The following AGR3 variants were observed in gnomAD, a reference collection of about 807,000 sequenced individuals.
AGR3 encodes anterior gradient protein 3.
A neutral mutation model predicts 24.5 loss-of-function variants in AGR3; 37 were observed. The ratio of observed to expected loss-of-function variants is 1.51; its 90% CI spans 1.16 to 1.99. AGR3 has a LOEUF of 1.99. AGR3 is among the 30% of genes most tolerant of loss of function. The pLI is 0.00. For synonymous variants in AGR3, 75 were observed against 61.6 expected (o/e 1.22, Z -1.02); for missense variants, 228 against 191.1 (o/e 1.19, Z -1.14).
chr7:16,880,529 C>CCTCTA (rs199999903), intron 1 of AGR3, among the ~76,000 whole-genome samples: 19 of 77,214 alleles, frequency 2.5e-4, no homozygotes, highest in African/African-American at 7.2e-4. Context: ...CCTCTCCCCT[C>CCTCTA]CCCTCCCCTC....
intron 3 of AGR3, chr7:16,865,175 A>G: frequency 1.3e-6 from 1 of 746,666 alleles, no homozygotes; most frequent in Non-Finnish European, 2.4e-6. Flanking sequence ...GACTTTCAAA[A>G]ACCCTATCAG....
intron 3 of AGR3, among the ~76,000 whole-genome samples, chr7:16,870,872 A>G (rs1484871808): frequency 1.3e-5 from 2 of 152,156 alleles, no homozygotes; most frequent in Non-Finnish European, 2.9e-5. Flanking sequence ...ATGCTTGTCC[A>G]ATATTGAAAC....
intron 7 of AGR3, 43 bp from the exon 8 acceptor site, chr7:16,859,674 A>G: frequency 1.6e-6 from 2 of 1,277,770 alleles, no homozygotes; most frequent in Non-Finnish European, 2.2e-6. Context: ...AATAAATGAA[A>G]GTACAAATGC....
At chr7:16,855,587 G>T (rs1008570567), downstream of AGR3, among the ~76,000 whole-genome samples, 2 of 152,186 alleles carry the variant, frequency 1.3e-5, no homozygotes, top group Non-Finnish European at 2.9e-5. Context: ...TGAAAGAGAA[G>T]GGGGCTGGGG....
At chr7:16,862,762 C>G in intron 3 of AGR3, 100 bp from the exon 4 acceptor site, 1 of 743,058 alleles carries the variant, frequency 1.3e-6, no homozygotes, top group Non-Finnish European at 2.2e-6. Context: ...ATAAGGCTTA[C>G]AGTAGTAATC....
At chr7:16,871,810 C>G (rs967893895) in intron 3 of AGR3, among the ~76,000 whole-genome samples, 1 of 152,076 alleles carries the variant, frequency 6.6e-6, no homozygotes, top group Admixed American at 6.6e-5. Flanking sequence ...CCACTGTACT[C>G]CAGCCTGGTG....
rs960614529 is a variant in AGR3 at position 16,876,014 on chromosome 7, A to G, written c.110-2171T>C. Among the ~76,000 whole-genome samples, 5 of 152,300 alleles carry G rather than the reference A, an allele frequency of 3.3e-5. No individual in the cohort carries two copies. The South Asian group carries it at 6.2e-4, about 19-fold the overall frequency. On this transcript the variant is annotated intron_variant, in intron 2 of 7. Coordinates refer to ENST00000310398, the MANE Select transcript of AGR3 (RefSeq NM_176813.5). ...AGCATTAGCAGTGGGGAAAATTTCT[A>G]TTCTCTGCTCCTGCTCAATTTAGTT...
At chr7:16,873,696 A>G in intron 3 of AGR3, 84 bp downstream of exon 3, 1 of 1,041,910 alleles carries the variant, frequency 9.6e-7, no homozygotes, top group African/African-American at 1.6e-5. Flanking sequence ...GTATCAGCAT[A>G]TCACTCTATA....
At chr7:16,862,772 C>G (rs1448188699) in intron 3 of AGR3, 110 bp from the exon 4 acceptor site, 10 of 702,470 alleles carry the variant, frequency 1.4e-5, no homozygotes, top group African/African-American at 1.1e-4. Context: ...CAGTAGTAAT[C>G]TCAGATTTAC....
At chr7:16,860,902 A>G (rs1419949937) in intron 6 of AGR3, among the ~76,000 whole-genome samples, 2 of 152,168 alleles carry the variant, frequency 1.3e-5, no homozygotes, top group Non-Finnish European at 2.9e-5. Flanking sequence ...AACATTCACT[A>G]TTTGGTTTTC....
intron 2 of AGR3, among the ~76,000 whole-genome samples, chr7:16,877,301 A>AC (rs35037272): frequency 7.1e-6 from 1 of 140,036 alleles, no homozygotes; most frequent in African/African-American, 2.5e-5. Flanking sequence ...TATAATATAT[A>AC]GTATATATAA....
chr7:16,854,729 C>G (rs1781532174), downstream of AGR3, among the ~76,000 whole-genome samples: 1 of 152,156 alleles, frequency 6.6e-6, no homozygotes. Context: ...GGGTAGAGAT[C>G]TGAGATCAAG....
chr7:16,865,366 T>C (rs1781736221), intron 3 of AGR3: 2 of 1,139,806 alleles, frequency 1.8e-6, no homozygotes, highest in Non-Finnish European at 2.6e-6. Context: ...TCAGGGACAG[T>C]AATTTTTCCT....
In AGR3 at chr7:16,861,387, C is replaced by G. The variant is rs200648639; in HGVS notation, c.364G>C (p.Val122Leu). The change falls in exon 6 of 8, where the codon GTA becomes CTA. Residue 122 changes from valine to leucine, a missense_variant. Physicochemically the swap from Val to Leu is conservative, Grantham distance 32. Coordinates refer to ENST00000310398, the MANE Select transcript of AGR3 (RefSeq NM_176813.5). ...DGQYVPRIMF[V>L]DPSLTVRADI... is the part of the protein sequence containing the mutation. ...TGAAATGAGATCACATACATACCTA[C>G]AAACATGATTCTAGGCACATATTGC... 6.8e-6 allele frequency: 11 copies of G among 1,606,650 alleles called. No homozygotes were observed. In the Middle Eastern group the frequency reaches 5.0e-4, roughly 73 times the overall value.
chr7:16,863,913 A>G (rs568524575), intron 3 of AGR3, among the ~76,000 whole-genome samples: 1 of 152,000 alleles, frequency 6.6e-6, no homozygotes, highest in African/African-American at 2.4e-5. Flanking sequence ...AAACTCTTGT[A>G]TAGTTCATAT....
At chr7:16,858,360 T>A (rs1000553984), downstream of AGR3, among the ~76,000 whole-genome samples, 1 of 152,166 alleles carries the variant, frequency 6.6e-6, no homozygotes, top group Non-Finnish European at 1.5e-5. Flanking sequence ...TAGCAGGATT[T>A]TTTCTTCTTG....
downstream of AGR3, among the ~76,000 whole-genome samples, chr7:16,855,013 CATA>C (rs1781536619): frequency 6.6e-6 from 1 of 152,158 alleles, no homozygotes; most frequent in Admixed American, 6.5e-5. Flanking sequence ...TTAATTGACA[CATA>C]ATAATCATAC....
At chr7:16,855,193 A>G (rs184356863), downstream of AGR3, among the ~76,000 whole-genome samples, 5 of 152,326 alleles carry the variant, frequency 3.3e-5, no homozygotes, top group East Asian at 9.6e-4. Context: ...GTCATCCTAC[A>G]GTACTATAGG....
rs980233485 is a variant in AGR3 at position 16,859,420 on chromosome 7, A to T, written c.*162T>A. On this transcript the variant is annotated 3_prime_UTR_variant, in exon 8 of 8. Coordinates refer to ENST00000310398, the MANE Select transcript of AGR3 (RefSeq NM_176813.5). ...AAACTATATTGTCAGTCTCAGATTT[A>T]AAAAACATTTATTTTAATAAGACTA... 4 of 567,242 alleles carry T rather than the reference A, an allele frequency of 7.1e-6. No individual in the cohort carries two copies. Among genetic ancestry groups the T allele is most frequent in the South Asian group, 2.0e-5 (1 of 50,176 alleles). The allele number at this position is 567,242 out of a possible 1,614,324, so 35.1% of individuals were successfully genotyped here.
Sources: allele counts gnomAD v4.1 joint callset (sites outside exome capture counted in the v4.1 genomes callset), GRCh38; gene constraint gnomAD v4.1.1; transcripts MANE v1.5; gene names NCBI Gene and HGNC (gene_info 2026-07-23, HGNC 2026-07-21).